The following ATRNL1 variants were observed in gnomAD, a reference collection of about 807,000 sequenced individuals.
ATRNL1 encodes the protein attractin like 1.
Under a neutral mutation model 182.7 loss-of-function variants are expected in ATRNL1, and 95 were observed. The ratio of observed to expected loss-of-function variants is 0.52; its 90% CI spans 0.44 to 0.62. ATRNL1 has a LOEUF of 0.62. ATRNL1 is among the 20% of genes least tolerant of loss of function. The pLI, the probability that ATRNL1 is intolerant of heterozygous loss-of-function variation, is 0.00. For synonymous variants in ATRNL1, 576 were observed against 568.3 expected, an observed-to-expected ratio of 1.01 and a Z score of -0.19; for missense variants, 1,471 against 1,679.5, an observed-to-expected ratio of 0.88 and a Z score of 2.17.
chr10:115,544,014 A>G (rs1377463386), intron 25 of ATRNL1, among the ~76,000 whole-genome samples: 1 of 151,922 alleles, frequency 6.6e-6, no homozygotes, highest in Non-Finnish European at 1.5e-5. Flanking sequence ...TTTTTGAAAA[A>G]GAAAGCCCAA....
intron 27 of ATRNL1, among the ~76,000 whole-genome samples, chr10:115,756,077 C>T (rs1948581430): frequency 6.6e-6 from 1 of 151,936 alleles, no homozygotes; most frequent in Non-Finnish European, 1.5e-5. Context: ...ATTACTCTGG[C>T]TAGAGGTCTA....
chr10:115,393,376 A>G (rs1443128666), intron 19 of ATRNL1, among the ~76,000 whole-genome samples: 4 of 152,192 alleles, frequency 2.6e-5, no homozygotes, highest in African/African-American at 9.6e-5. Flanking sequence ...TTAATTCATT[A>G]ACATATATGT....
intron 19 of ATRNL1, among the ~76,000 whole-genome samples, chr10:115,365,866 T>A (rs1284537369): frequency 1.3e-5 from 2 of 152,186 alleles, no homozygotes; most frequent in African/African-American, 4.8e-5. Context: ...TCTAGTTTGA[T>A]TGCACTGTGG....
chr10:115,940,239 G>GT (rs782499501), intron 28 of ATRNL1, among the ~76,000 whole-genome samples: 16 of 152,156 alleles, frequency 1.1e-4, no homozygotes, highest in Admixed American at 2.0e-4. Context: ...GTGGTTAGGG[G>GT]TACATATTTG....
At chr10:115,403,937 A>G (rs1169464137) in intron 20 of ATRNL1, among the ~76,000 whole-genome samples, 3 of 152,176 alleles carry the variant, frequency 2.0e-5, no homozygotes, top group Non-Finnish European at 2.9e-5. Flanking sequence ...AGGCTATGAG[A>G]CAGTACCAAA....
intron 9 of ATRNL1, among the ~76,000 whole-genome samples, chr10:115,216,258 A>G (rs1849227899): frequency 1.3e-5 from 2 of 152,196 alleles, no homozygotes; most frequent in South Asian, 4.1e-4. Flanking sequence ...GAGTTGCTCT[A>G]GGGTGCATAC....
At chr10:115,617,055 GC>G (rs1555021035) in intron 26 of ATRNL1, among the ~76,000 whole-genome samples, 1 of 152,170 alleles carries the variant, frequency 6.6e-6, no homozygotes, top group African/African-American at 2.4e-5. Flanking sequence ...GCTTGGAAAA[GC>G]CACAAACACT....
intron 26 of ATRNL1, among the ~76,000 whole-genome samples, chr10:115,550,146 C>T (rs1554995193): frequency 1.3e-5 from 2 of 151,616 alleles, no homozygotes; most frequent in Non-Finnish European, 3.0e-5. Flanking sequence ...ATTCGTTAAT[C>T]GAAAGGAACG....
At chr10:115,901,328 T>C (rs868919356) in intron 28 of ATRNL1, among the ~76,000 whole-genome samples, 5 of 152,322 alleles carry the variant, frequency 3.3e-5, no homozygotes, top group South Asian at 2.1e-4. Flanking sequence ...AAAATTCATC[T>C]TTAAAACTTG....
chr10:115,093,696 G>A lies in ATRNL1; in HGVS notation c.-55G>A. 7.0e-7 allele frequency: 1 copy of A among 1,419,816 alleles called. No homozygotes were observed. The highest frequency in any genetic ancestry group is 1.4e-5 in the South Asian group (1 of 70,278). The allele number at this position is 1,419,816 out of a possible 1,614,324, so 88.0% of individuals were successfully genotyped here. ...TCTGCGGCCGGAATTCCCTTCAACAGCATCCCTGTCGGCGCCCGCGAGCGC... is the reference window on the plus strand; with the variant it reads ...TCTGCGGCCGGAATTCCCTTCAACAACATCCCTGTCGGCGCCCGCGAGCGC... On this transcript the variant is annotated 5_prime_UTR_variant, in exon 1 of 29. Transcript: ENST00000355044. This position sits in a 1 kb window ranked among gnomAD's most constrained non-coding sequence, Gnocchi z 6.1.
intron 26 of ATRNL1, among the ~76,000 whole-genome samples, chr10:115,696,284 C>T (rs1010873116): frequency 3.9e-5 from 6 of 152,130 alleles, no homozygotes; most frequent in African/African-American, 1.4e-4. Context: ...CTGTGACAAG[C>T]ATACCTGTGC....
chr10:115,792,290 A>G (rs2134213832), intron 27 of ATRNL1, among the ~76,000 whole-genome samples: 1 of 152,188 alleles, frequency 6.6e-6, no homozygotes, highest in South Asian at 2.1e-4. Flanking sequence ...TTTCTTTTGT[A>G]CGCTACAGAG....
intron 27 of ATRNL1, among the ~76,000 whole-genome samples, chr10:115,756,272 A>T (rs1209390467): frequency 6.6e-6 from 1 of 151,992 alleles, no homozygotes; most frequent in Non-Finnish European, 1.5e-5. Context: ...TCAATGTTAG[A>T]TCTTTCCTGC....
chr10:115,675,420 G>A (rs1328667186), intron 26 of ATRNL1, among the ~76,000 whole-genome samples: 1 of 152,052 alleles, frequency 6.6e-6, no homozygotes, highest in East Asian at 1.9e-4. Flanking sequence ...GGAAGAGAAA[G>A]AGAAAGAAGA....
At chr10:115,585,537 T>A (rs1336099629) in intron 26 of ATRNL1, among the ~76,000 whole-genome samples, 1 of 115,306 alleles carries the variant, frequency 8.7e-6, no homozygotes, top group African/African-American at 3.6e-5. Flanking sequence ...CTTTGTTGAT[T>A]TAAAGTCTGT....
rs1488784333 is a variant in ATRNL1, at chr10:115,948,617, T to C, written c.*3838T>C. 2 of 152,168 alleles carry C rather than the reference T, an allele frequency of 1.3e-5. No individual in the cohort carries two copies. Among genetic ancestry groups the C allele is most frequent in the Non-Finnish European group, 2.9e-5 (2 of 68,036 alleles). 9.4% of individuals were successfully genotyped at this position (152,168 alleles called of 1,614,324 possible). A position where few individuals can be genotyped will look rare whatever the true frequency, so the allele number is the denominator to read the frequency against. On this transcript the variant is annotated 3_prime_UTR_variant, in exon 29 of 29. Transcript: ENST00000355044. Reference sequence around the variant, plus strand: ...TCAGTGCTTCTTACCATTAGGCAAATTAGGGAAACACTGCATTGGGTCAAA... The same window carrying C: ...TCAGTGCTTCTTACCATTAGGCAAACTAGGGAAACACTGCATTGGGTCAAA...
intron 18 of ATRNL1, among the ~76,000 whole-genome samples, chr10:115,320,727 T>C (rs1478979924): frequency 6.6e-6 from 1 of 152,212 alleles, no homozygotes; most frequent in Non-Finnish European, 1.5e-5. Flanking sequence ...TTGTGCTGTT[T>C]TTTTTTCAGC....
chr10:115,698,281 G>A lies in ATRNL1; in HGVS notation c.3796-28967G>A, dbSNP rs554507739. Among the ~76,000 whole-genome samples, 3 of 152,144 alleles carry A rather than the reference G, an allele frequency of 2.0e-5. No homozygotes were observed. The South Asian group carries it at 6.2e-4, about 32-fold the overall frequency. ...TCTAACAGAAAAAAAATCAAATTAA[G>A]TCCAAGTAAAATACTGGATTTATAT... On this transcript the variant is annotated intron_variant, in intron 26 of 28. Transcript: ENST00000355044.
chr10:115,735,300 A>T lies in ATRNL1; in HGVS notation c.3903+7945A>T, dbSNP rs570584967. Among the ~76,000 whole-genome samples the T allele has an allele frequency of 5.9e-5, 9 of 152,242 alleles. No homozygotes were observed. The East Asian group carries it at 1.7e-3, about 29-fold the overall frequency. On this transcript the variant is annotated intron_variant, in intron 27 of 28. Coordinates refer to ENST00000355044, the MANE Select transcript of ATRNL1 (RefSeq NM_207303.4). ...TTTACAATCTAAGAAATGTATTTAA[A>T]ATATACTTTATCAAGCATTCTAGTT...
Sources: allele counts gnomAD v4.1 joint callset (sites outside exome capture counted in the v4.1 genomes callset), GRCh38; gene constraint gnomAD v4.1.1; non-coding constraint Gnocchi (gnomAD v3.1); transcripts MANE v1.5; gene names NCBI Gene and HGNC (gene_info 2026-07-23, HGNC 2026-07-21).